Variants in ARID1B observed in about 807,000 individuals in gnomAD.
ARID1B encodes the protein AT-rich interaction domain 1B, also known as AT-rich interactive domain-containing protein 1B.
ARID1B carries 30 observed loss-of-function variants against 212.3 expected under a neutral mutation model. The observed-to-expected ratio is 0.14, with a 90% CI of 0.11 to 0.19. ARID1B has a LOEUF of 0.19. Among genes scored for constraint, ARID1B ranks in the 10% least tolerant of loss-of-function variants. ARID1B has a pLI of 1.00. For missense variants in ARID1B, 2,891 were observed against 3,204.0 expected (o/e 0.90, Z 2.36); for synonymous variants, 1,402 against 1,301.7 (o/e 1.08, Z -1.66).
rs1789935932 is a variant in ARID1B at position 157,148,130 on chromosome 6, G to A, written c.2762-494G>A. On this transcript the variant is annotated intron_variant, in intron 7 of 19. Coordinates refer to ENST00000636930, the MANE Select transcript of ARID1B (RefSeq NM_001374828.1). This position sits in a 1 kb window ranked among gnomAD's most constrained non-coding sequence, Gnocchi z 5.6. ...TCAGGTTCCCGCGTGACACCTTCCT[G>A]TGGGGTTTTAAAGGATGATTTTGAC... is the stretch of plus-strand genomic sequence containing the variant. Among the ~76,000 whole-genome samples the A allele has an allele frequency of 6.6e-6, 1 of 152,026 alleles. No individual in the cohort carries two copies. Among genetic ancestry groups the A allele is most frequent in the Non-Finnish European group, 1.5e-5 (1 of 68,016 alleles).
chr6:156,921,140 G>A (rs1167048193), intron 3 of ARID1B, among the ~76,000 whole-genome samples: 1 of 152,010 alleles, frequency 6.6e-6, no homozygotes, highest in Non-Finnish European at 1.5e-5. Flanking sequence ...AGAGCAGTGG[G>A]GGATTAACTT....
At chr6:156,811,050 T>C (rs1021585018) in intron 1 of ARID1B, among the ~76,000 whole-genome samples, 1 of 152,094 alleles carries the variant, frequency 6.6e-6, no homozygotes, top group Non-Finnish European at 1.5e-5. Context: ...CCTCAGACTG[T>C]TGGCAGAATT....
chr6:156,900,243 A>C (rs930480458), intron 2 of ARID1B, among the ~76,000 whole-genome samples: 1 of 152,130 alleles, frequency 6.6e-6, no homozygotes, highest in Non-Finnish European at 1.5e-5. Flanking sequence ...AATAATCTGG[A>C]TTGGATTGAA....
chr6:157,169,239 A>C (rs1285079182), intron 9 of ARID1B: 1 of 152,252 alleles, frequency 6.6e-6, no homozygotes, highest in Admixed American at 6.5e-5. Context: ...TTTTGGAGAA[A>C]GCGAGGACAG....
At chr6:156,820,202 T>C (rs1299958410) in intron 1 of ARID1B, among the ~76,000 whole-genome samples, 2 of 152,172 alleles carry the variant, frequency 1.3e-5, no homozygotes, top group East Asian at 3.9e-4. Flanking sequence ...AGCCATGGTC[T>C]GGGTGAACTT....
chr6:157,062,867 C>G (rs1232503624), intron 4 of ARID1B, among the ~76,000 whole-genome samples: 1 of 151,736 alleles, frequency 6.6e-6, no homozygotes. Context: ...GCACACCTGC[C>G]TAATTTTTTG....
chr6:157,088,896 T>A (rs969158007), intron 5 of ARID1B, among the ~76,000 whole-genome samples: 7 of 152,198 alleles, frequency 4.6e-5, no homozygotes, highest in Non-Finnish European at 1.0e-4. Flanking sequence ...ATACTCAAAC[T>A]GTCGAGCTAT....
chr6:157,150,618 C>T (rs1790124994), intron 8 of ARID1B: 1 of 169,642 alleles, frequency 5.9e-6, no homozygotes. Flanking sequence ...CAACTTGCCT[C>T]CATGGTCTGT....
At chr6:157,173,904 G>T (rs934661248) in intron 9 of ARID1B, 104 bp from the exon 10 acceptor site, 3 of 913,322 alleles carry the variant, frequency 3.3e-6, no homozygotes, top group African/African-American at 3.4e-5. Flanking sequence ...TCCTTCAAGG[G>T]AAATGCAAGG....
At chr6:156,805,611 T>G (rs1451876323) in intron 1 of ARID1B, among the ~76,000 whole-genome samples, 1 of 152,184 alleles carries the variant, frequency 6.6e-6, no homozygotes, top group African/African-American at 2.4e-5. Flanking sequence ...AATGTCACCT[T>G]TGCTTTTATT....
At chr6:157,013,730 C>T (rs1380076979) in intron 4 of ARID1B, among the ~76,000 whole-genome samples, 1 of 152,138 alleles carries the variant, frequency 6.6e-6, no homozygotes, top group Non-Finnish European at 1.5e-5. Context: ...TTTTTCTGTA[C>T]TGACTAGAAA....
chr6:157,113,093 G>A (rs756157669), intron 6 of ARID1B, among the ~76,000 whole-genome samples: 8 of 151,940 alleles, frequency 5.3e-5, no homozygotes, highest in Non-Finnish European at 1.2e-4. Flanking sequence ...GGCTAATTTT[G>A]TGTTTTTGGT....
chr6:156,884,782 G>T (rs1225447672), intron 2 of ARID1B, among the ~76,000 whole-genome samples: 1 of 152,188 alleles, frequency 6.6e-6, no homozygotes, highest in African/African-American at 2.4e-5. Flanking sequence ...CTGGCAGTAA[G>T]AAATAGCTGT....
At chr6:157,192,805 C>T (rs1793476205) in intron 15 of ARID1B, among the ~76,000 whole-genome samples, 1 of 152,234 alleles carries the variant, frequency 6.6e-6, no homozygotes, top group Admixed American at 6.5e-5. Context: ...CCACGGGAAA[C>T]ACATTTTCTA....
intron 2 of ARID1B, among the ~76,000 whole-genome samples, chr6:156,863,127 G>A (rs1018196777): frequency 2.0e-5 from 3 of 152,160 alleles, no homozygotes; most frequent in Non-Finnish European, 4.4e-5. Flanking sequence ...AGCATGTTAG[G>A]TCACTTTTTA....
intron 2 of ARID1B, among the ~76,000 whole-genome samples, chr6:156,876,195 G>A (rs1314231640): frequency 6.6e-6 from 1 of 152,228 alleles, no homozygotes; most frequent in Non-Finnish European, 1.5e-5. Context: ...GGAGTAGATA[G>A]CACTGATGTG....
chr6:157,063,693 T>C (rs1425230472), intron 4 of ARID1B, among the ~76,000 whole-genome samples: 1 of 152,242 alleles, frequency 6.6e-6, no homozygotes, highest in Non-Finnish European at 1.5e-5. Flanking sequence ...TTTATTGTTA[T>C]GTATGGAATG....
Position 157,207,318 on chromosome 6 carries a change from G to T in ARID1B, c.6546G>T (p.Pro2182=). Residue 2182 remains proline (P), a synonymous_variant, in exon 20 of 20, where the codon CCG becomes CCT. Coordinates refer to ENST00000636930, the MANE Select transcript of ARID1B (RefSeq NM_001374828.1). This position sits in a 1 kb window ranked among gnomAD's most constrained non-coding sequence, Gnocchi z 8.5. ...GCTTGCTGCACTGGATGGTGTGCCC[G>T]TCTGCAGAGGCACAAGATCCCTTTC... ...LDGLLHWMVC[P]SAEAQDPFPT... 1.9e-6 allele frequency: 3 copies of T among 1,614,008 alleles called. No homozygotes were observed. The highest frequency in any genetic ancestry group is 2.5e-6 in the Non-Finnish European group (3 of 1,179,882).
chr6:156,910,259 C>T (rs1250783691), intron 3 of ARID1B, among the ~76,000 whole-genome samples: 1 of 152,166 alleles, frequency 6.6e-6, no homozygotes, highest in Non-Finnish European at 1.5e-5. Flanking sequence ...TAATTTTGAC[C>T]AGATACCCTG....
Sources: allele counts gnomAD v4.1 joint callset (sites outside exome capture counted in the v4.1 genomes callset), GRCh38; gene constraint gnomAD v4.1.1; non-coding constraint Gnocchi (gnomAD v3.1); transcripts MANE v1.5; gene names NCBI Gene and HGNC (gene_info 2026-07-23, HGNC 2026-07-21).